The following TNFSF11 variants were observed in gnomAD, a reference collection of about 807,000 sequenced individuals.
The protein encoded by TNFSF11 is tumor necrosis factor ligand superfamily member 11.
A neutral mutation model predicts 32.2 loss-of-function variants in TNFSF11; 12 were observed. That is an observed-to-expected ratio of 0.37 (90% CI 0.24 to 0.60). TNFSF11 has a LOEUF of 0.60. Among genes scored for constraint, TNFSF11 ranks in the 20% least tolerant of loss-of-function variants. TNFSF11 has a pLI of 0.66. For missense variants in TNFSF11, 345 were observed against 398.0 expected (o/e 0.87, Z 1.13); for synonymous variants, 172 against 152.1 (o/e 1.13, Z -0.96).
At chr13:42,575,138 G>A (rs1446379114) in intron 1 of TNFSF11, among the ~76,000 whole-genome samples, 1 of 152,192 alleles carries the variant, frequency 6.6e-6, no homozygotes, top group East Asian at 1.9e-4. Context: ...GGGCTCTGCG[G>A]CTGTGGCGCT....
intron 2 of TNFSF11, among the ~76,000 whole-genome samples, chr13:42,583,079 T>C (rs1873694189): frequency 6.6e-6 from 1 of 152,030 alleles, no homozygotes; most frequent in Non-Finnish European, 1.5e-5. Context: ...GAAGAATAAG[T>C]ATGGAAAATC....
Position 42,574,426 on chromosome 13 carries a change from C to T in TNFSF11, c.123C>T (p.Pro41=), listed in dbSNP as rs1438699164. ...CGCCGCCGCCTGCGCCGCACCAGCC[C>T]CCTGCCGCCTCCCGCTCCATGTTCG... ...HAPPPPAPHQ[P]PAASRSMFVA... is the part of the protein sequence containing the mutation. Residue 41 remains proline, a synonymous_variant, in exon 1 of 5, where the codon CCC becomes CCT. Transcript: ENST00000398795. 6.3e-7 allele frequency: 1 copy of T among 1,597,274 alleles called. No individual in the cohort carries two copies. The highest frequency in any genetic ancestry group is 8.5e-7 in the Non-Finnish European group (1 of 1,174,764).
chr13:42,579,869 G>A (rs958747462), intron 1 of TNFSF11, among the ~76,000 whole-genome samples: 2 of 151,552 alleles, frequency 1.3e-5, no homozygotes, highest in African/African-American at 4.9e-5. Context: ...ATGATTATAG[G>A]TAGTCCTTAT....
rs746530248 is a variant in TNFSF11 at position 42,589,473 on chromosome 13, T to A, written c.387+8180T>A. Among the ~76,000 whole-genome samples the A allele has an allele frequency of 2.6e-5, 4 of 152,200 alleles. No individual in the cohort carries two copies. The South Asian group carries it at 8.3e-4, about 32-fold the overall frequency. ...ATGCACATCTGAACAGGTCATTTCT[T>A]TTCCTGCTTAAAGCATCCTTCAGTA... is the stretch of plus-strand genomic sequence containing the variant. On this transcript the variant is annotated intron_variant, in intron 2 of 4. Transcript: ENST00000398795.
At chr13:42,580,360 G>T (rs1236235777) in intron 1 of TNFSF11, among the ~76,000 whole-genome samples, 2 of 152,162 alleles carry the variant, frequency 1.3e-5, no homozygotes, top group East Asian at 3.9e-4. Context: ...TATATTTTGG[G>T]TGGGACAATT....
At chr13:42,598,429 A>G (rs1868940016) in intron 2 of TNFSF11, among the ~76,000 whole-genome samples, 1 of 152,232 alleles carries the variant, frequency 6.6e-6, no homozygotes, top group Non-Finnish European at 1.5e-5. Flanking sequence ...TATGCTGCAT[A>G]TCCAGCTTTG....
intron 2 of TNFSF11, among the ~76,000 whole-genome samples, chr13:42,584,902 G>A (rs1352448354): frequency 6.6e-6 from 1 of 152,186 alleles, no homozygotes; most frequent in African/African-American, 2.4e-5. Flanking sequence ...AATTAAAGCT[G>A]TTATACCAAT....
At chr13:42,600,649 G>A (rs2137904388) in intron 2 of TNFSF11, 103 bp from the exon 3 acceptor site, 12 of 1,272,160 alleles carry the variant, frequency 9.4e-6, no homozygotes, top group East Asian at 2.5e-5. Flanking sequence ...ACCTTTGGAA[G>A]GAAAAGAGGG....
At chr13:42,574,708 G>A (rs2137853422) in intron 1 of TNFSF11, among the ~76,000 whole-genome samples, 186 bp downstream of exon 1, 1 of 152,166 alleles carries the variant, frequency 6.6e-6, no homozygotes, top group East Asian at 1.9e-4. Flanking sequence ...GCTGTCGGGC[G>A]CACCCTGCTC....
chr13:42,587,643 A>G (rs1312596474), intron 2 of TNFSF11, among the ~76,000 whole-genome samples: 1 of 152,248 alleles, frequency 6.6e-6, no homozygotes, highest in Non-Finnish European at 1.5e-5. Context: ...TAGAGATTGC[A>G]TCTGTGATTG....
chr13:42,577,417 C>T (rs983367684), intron 1 of TNFSF11, among the ~76,000 whole-genome samples: 4 of 152,028 alleles, frequency 2.6e-5, no homozygotes, highest in Non-Finnish European at 5.9e-5. Flanking sequence ...CTTGGCTTTT[C>T]CCCCACCACC....
At chr13:42,593,680 A>T (rs1868628027) in intron 2 of TNFSF11, among the ~76,000 whole-genome samples, 1 of 152,228 alleles carries the variant, frequency 6.6e-6, no homozygotes, top group Non-Finnish European at 1.5e-5. Flanking sequence ...ACTAGGTTGG[A>T]GAAGAATTAC....
chr13:42,589,965 G>A (rs1874087190), intron 2 of TNFSF11, among the ~76,000 whole-genome samples: 1 of 152,208 alleles, frequency 6.6e-6, no homozygotes, highest in African/African-American at 2.4e-5. Context: ...CTTCCTGGAG[G>A]AGGAGCCCAC....
intron 1 of TNFSF11, among the ~76,000 whole-genome samples, chr13:42,578,731 G>A (rs1427174688): frequency 6.6e-6 from 1 of 151,948 alleles, no homozygotes; most frequent in Non-Finnish European, 1.5e-5. Flanking sequence ...CCAGTGAGGG[G>A]TGGGGTAGGA....
At chr13:42,587,033 T>A (rs991179749) in intron 2 of TNFSF11, among the ~76,000 whole-genome samples, 5 of 152,214 alleles carry the variant, frequency 3.3e-5, no homozygotes, top group African/African-American at 1.2e-4. Context: ...ACCCATCCAT[T>A]CAGTGAACTA....
chr13:42,604,845 G>A (rs535667996), intron 4 of TNFSF11, among the ~76,000 whole-genome samples: 9 of 152,174 alleles, frequency 5.9e-5, no homozygotes, highest in South Asian at 4.2e-4. Flanking sequence ...GTGCCGTAGC[G>A]CGATCTTGGC....
intron 2 of TNFSF11, among the ~76,000 whole-genome samples, chr13:42,596,720 G>T (rs73174448): frequency 1.3e-5 from 2 of 152,156 alleles, no homozygotes; most frequent in African/African-American, 4.8e-5. Context: ...TTTTCAATAC[G>T]TGGAATATAT....
At chr13:42,595,948 G>T (rs1414930508) in intron 2 of TNFSF11, among the ~76,000 whole-genome samples, 1 of 152,248 alleles carries the variant, frequency 6.6e-6, no homozygotes, top group Admixed American at 6.5e-5. Flanking sequence ...TCTGACAGAT[G>T]TAGAGGACTA....
At chr13:42,606,420 C>T in intron 4 of TNFSF11, 77 bp from the exon 5 acceptor site, 5 of 1,572,818 alleles carry the variant, frequency 3.2e-6, no homozygotes, top group Non-Finnish European at 4.4e-6. Flanking sequence ...TTTTTTCTCC[C>T]TAACCTCATA....
Sources: gnomAD v4.1 joint callset for allele counts (sites outside exome capture counted in the v4.1 genomes callset) on GRCh38, gnomAD v4.1.1 for gene constraint, MANE v1.5 for transcripts, NCBI Gene and HGNC (gene_info 2026-07-23, HGNC 2026-07-21) for gene names.